The following METTL6 variants were observed in gnomAD, a reference collection of about 807,000 sequenced individuals.
METTL6 encodes the protein methyltransferase 6, tRNA N3-cytidine, also known as tRNA N(3)-cytidine methyltransferase METTL6.
Under a neutral mutation model 26.4 loss-of-function variants are expected in METTL6, and 22 were observed. The ratio of observed to expected loss-of-function variants is 0.83; its 90% CI spans 0.59 to 1.19. The LOEUF is 1.19. Ranked by LOEUF, METTL6 falls within the 50% of genes most tolerant of loss-of-function variation. METTL6 has a pLI of 0.00. For missense variants in METTL6, 304 were observed against 324.8 expected (o/e 0.94, Z 0.49); for synonymous variants, 109 against 116.2 (o/e 0.94, Z 0.40).
At chr3:15,388,269 C>T (rs376964661) in intron 6 of METTL6, among the ~76,000 whole-genome samples, 1 of 152,118 alleles carries the variant, frequency 6.6e-6, no homozygotes, top group Non-Finnish European at 1.5e-5. Flanking sequence ...TGCCACCATG[C>T]CCAGCAAATT....
At position 15,415,696 on chromosome 3, in the gene METTL6, C is replaced by A. The variant is rs1036111414; in HGVS notation, c.531+76G>T. ...AGAGACTATGTGAATCTAGACAGTA[C>A]ATGAGCCTCATGAGGGAAGGTAAGT... On this transcript the variant is annotated intron_variant, in intron 4 of 5. Transcript: ENST00000383790. The A allele has an allele frequency of 6.3e-6, 10 of 1,594,824 alleles. No individual in the cohort carries two copies. The South Asian group carries it at 9.1e-5, about 15-fold the overall frequency.
At chr3:15,397,791 T>C (rs951072357) in intron 6 of METTL6, among the ~76,000 whole-genome samples, 6 of 152,140 alleles carry the variant, frequency 3.9e-5, no homozygotes, top group African/African-American at 1.4e-4. Context: ...ACATAAACGA[T>C]TGCCAGCCAT....
At chr3:15,405,611 G>T (rs1277798684), downstream of METTL6, among the ~76,000 whole-genome samples, 1 of 152,172 alleles carries the variant, frequency 6.6e-6, no homozygotes, top group Non-Finnish European at 1.5e-5. Context: ...AACATCTAAT[G>T]TCTAGCACCA....
intron 5 of METTL6, chr3:15,413,597 A>G (rs1454776872): frequency 4.3e-6 from 5 of 1,164,074 alleles, no homozygotes; most frequent in Non-Finnish European, 5.4e-6. Flanking sequence ...ACCAAACCCC[A>G]AAACAGATCC....
chr3:15,426,225 C>A (rs2061718720), intron 2 of METTL6, 62 bp downstream of exon 2: 2 of 1,522,652 alleles, frequency 1.3e-6, no homozygotes, highest in Non-Finnish European at 1.8e-6. Flanking sequence ...AGGCATGAGC[C>A]ATGGCACCCT....
chr3:15,384,333 G>A, intron 6 of METTL6: 1 of 220,664 alleles, frequency 4.5e-6, no homozygotes, highest in South Asian at 4.7e-5. Flanking sequence ...AATATGAATG[G>A]AAAACCAAGG....
At chr3:15,390,707 C>T (rs1431929799) in intron 6 of METTL6, among the ~76,000 whole-genome samples, 1 of 152,184 alleles carries the variant, frequency 6.6e-6, no homozygotes, top group African/African-American at 2.4e-5. Context: ...TGTTTCAGCT[C>T]TTCAGTCCGA....
At chr3:15,386,120 G>A (rs544548248) in intron 6 of METTL6, among the ~76,000 whole-genome samples, 62 of 152,332 alleles carry the variant, frequency 4.1e-4, no homozygotes, top group African/African-American at 1.2e-3. Context: ...TTATTCATGA[G>A]TTTTCTGGCA....
At chr3:15,405,248 G>A (rs780035677), downstream of METTL6, among the ~76,000 whole-genome samples, 7 of 152,132 alleles carry the variant, frequency 4.6e-5, no homozygotes, top group South Asian at 2.1e-4. Flanking sequence ...GACGCCTTTC[G>A]AGCCCATCAC....
chr3:15,389,447 A>T (rs1053318014), intron 6 of METTL6, among the ~76,000 whole-genome samples: 3 of 152,172 alleles, frequency 2.0e-5, no homozygotes, highest in African/African-American at 7.2e-5. Flanking sequence ...TCTAGCATCT[A>T]TTGATCTTTA....
At chr3:15,407,770 T>G (rs1213990210), downstream of METTL6, among the ~76,000 whole-genome samples, 1 of 152,220 alleles carries the variant, frequency 6.6e-6, no homozygotes, top group Non-Finnish European at 1.5e-5. Context: ...TGTTAAGCTA[T>G]ATTATCAGAA....
At chr3:15,406,629 T>TATATATATAGAGAGAG (rs1559485748), downstream of METTL6, among the ~76,000 whole-genome samples, 1 of 20,714 alleles carries the variant, frequency 4.8e-5, no homozygotes, top group Non-Finnish European at 8.0e-5. Context: ...TATATATATA[T>TATATATATAGAGAGAG]AGAGAGAGAG....
rs375144176 is a variant in METTL6, at chr3:15,385,960, A to G, written c.*12-1773T>C. Among the ~76,000 whole-genome samples, 18 of 152,352 alleles carry G rather than the reference A, an allele frequency of 1.2e-4. No individual in the cohort carries two copies. The East Asian group carries it at 3.3e-3, about 28-fold the overall frequency. ...GTTCTTGGACCTTGCACGAGAAAAGAATTTGGGACAAGTCTGCAAAGTGAA... is the reference window on the plus strand; with the variant it reads ...GTTCTTGGACCTTGCACGAGAAAAGGATTTGGGACAAGTCTGCAAAGTGAA... On this transcript the variant is annotated intron_variant, in intron 6 of 6. Coordinates refer to the METTL6 transcript ENST00000443029.
At chr3:15,392,979 G>GGCT (rs931297125) in intron 6 of METTL6, among the ~76,000 whole-genome samples, 1 of 152,138 alleles carries the variant, frequency 6.6e-6, no homozygotes, top group Admixed American at 6.6e-5. Context: ...TGGCAATGCG[G>GGCT]GCTCTTTTTT....
At chr3:15,425,236 T>A in intron 2 of METTL6, 147 bp from the exon 3 acceptor site, 1 of 788,624 alleles carries the variant, frequency 1.3e-6, no homozygotes, top group African/African-American at 1.8e-5. Context: ...CTAATACTGG[T>A]ACTTCATTTG....
intron 5 of METTL6, among the ~76,000 whole-genome samples, chr3:15,412,657 T>C (rs1332377854): frequency 6.6e-6 from 1 of 151,810 alleles, no homozygotes; most frequent in African/African-American, 2.4e-5. Context: ...CTAATATTTT[T>C]TTTTTTTTAT....
chr3:15,415,050 A>ACAAC, intron 4 of METTL6: 1 of 922,462 alleles, frequency 1.1e-6, no homozygotes, highest in Non-Finnish European at 1.4e-6. Flanking sequence ...AAAAAAACAA[A>ACAAC]CAAACAAACA....
chr3:15,417,097 A>C lies in METTL6; in HGVS notation c.361-1155T>G, dbSNP rs192881844. Among the ~76,000 whole-genome samples the C allele has an allele frequency of 1.2e-3, 189 of 152,326 alleles. 1 individual carries two copies. The Middle Eastern group carries it at 0.031, about 25-fold the overall frequency. The stretch of plus-strand genomic sequence containing the variant: ...TGAAGTGAAAGGATCGCTTGAGTTC[A>C]AAGCTGCAGTGAGCTATGATCCATG... On this transcript the variant is annotated intron_variant, in intron 3 of 5. Coordinates refer to ENST00000383790, the MANE Select transcript of METTL6 (RefSeq NM_152396.4).
chr3:15,411,181 C>T lies in METTL6; in HGVS notation c.*75G>A, dbSNP rs1699949753. On this transcript the variant is annotated 3_prime_UTR_variant, in exon 6 of 6. Coordinates refer to ENST00000383790, the MANE Select transcript of METTL6 (RefSeq NM_152396.4). ...AAGTGCTGGGATTACAGGCATGAGC[C>T]ACCGCACCCAGACGAAAGAGTGATT... 6.7e-7 allele frequency: 1 copy of T among 1,496,360 alleles called. No individual in the cohort carries two copies. The highest frequency in any genetic ancestry group is 9.0e-7 in the Non-Finnish European group (1 of 1,108,038). 92.7% of individuals were successfully genotyped at this position (1,496,360 alleles called of 1,614,324 possible).
Sources: gnomAD v4.1 joint callset for allele counts (sites outside exome capture counted in the v4.1 genomes callset) on GRCh38, gnomAD v4.1.1 for gene constraint, MANE v1.5 for transcripts, NCBI Gene and HGNC (gene_info 2026-07-23, HGNC 2026-07-21) for gene names.